The following PCNX1 variants were observed in gnomAD, a reference collection of about 807,000 sequenced individuals.
PCNX1 encodes pecanex-like protein 1.
Under a neutral mutation model 242.2 loss-of-function variants are expected in PCNX1, and 78 were observed. That is an observed-to-expected ratio of 0.32 (90% confidence interval 0.27 to 0.39). The LOEUF is 0.39. Among genes scored for constraint, PCNX1 ranks in the 10% least tolerant of loss-of-function variants. The pLI, the probability that PCNX1 is intolerant of heterozygous loss-of-function variation, is 1.00. For synonymous variants in PCNX1, 1,024 were observed against 1,032.9 expected (o/e 0.99, Z 0.17); for missense variants, 2,581 against 2,856.5 (o/e 0.90, Z 2.20).
At chr14:70,949,311 GTAGA>G (rs1566608895) in intron 2 of PCNX1, among the ~76,000 whole-genome samples, 4 of 129,622 alleles carry the variant, frequency 3.1e-5, no homozygotes, top group South Asian at 2.3e-4. Context: ...ACATATGTGT[GTAGA>G]TACACACGTG....
At position 71,110,340 on chromosome 14, in the gene PCNX1, A is replaced by G. The variant is rs1038229868; in HGVS notation, c.*405A>G. On this transcript the variant is annotated 3_prime_UTR_variant, in exon 36 of 36. Transcript: ENST00000304743. ...TGTTTTGTCATAGAACATGAAATTC[A>G]TTTACCTTGATTTTTAAGAACAGAC... is the stretch of plus-strand genomic sequence containing the variant. 1.3e-5 allele frequency: 4 copies of G among 304,902 alleles called. No homozygotes were observed. Among genetic ancestry groups the G allele is most frequent in the Admixed American group, 9.6e-5 (2 of 20,804 alleles). The allele number at this position is 304,902 out of a possible 1,614,324, so 18.9% of individuals were successfully genotyped here. A position where few individuals can be genotyped will look rare whatever the true frequency, so the allele number is the denominator to read the frequency against.
At chr14:70,951,484 C>G (rs1326025742) in intron 2 of PCNX1, among the ~76,000 whole-genome samples, 1 of 152,052 alleles carries the variant, frequency 6.6e-6, no homozygotes, top group Non-Finnish European at 1.5e-5. Flanking sequence ...AAACGGTTCT[C>G]CTGCCTCAGC....
chr14:70,979,370 G>A (rs1316245780), intron 6 of PCNX1, among the ~76,000 whole-genome samples: 1 of 152,054 alleles, frequency 6.6e-6, no homozygotes, highest in Non-Finnish European at 1.5e-5. Context: ...TTGGAGAATT[G>A]TGCAAATTTG....
chr14:70,969,439 T>C (rs138699246), intron 5 of PCNX1, among the ~76,000 whole-genome samples: 3 of 152,314 alleles, frequency 2.0e-5, no homozygotes, highest in African/African-American at 7.2e-5. Flanking sequence ...GATAACCTAG[T>C]ATGTAAAACT....
At chr14:71,084,005 T>C (rs987869436) in intron 28 of PCNX1, among the ~76,000 whole-genome samples, 12 of 152,244 alleles carry the variant, frequency 7.9e-5, no homozygotes, top group Non-Finnish European at 1.6e-4. Context: ...CTTTGGTCTT[T>C]GATGCTGGTG....
chr14:70,999,806 A>G (rs2059450570), intron 8 of PCNX1, among the ~76,000 whole-genome samples: 1 of 152,190 alleles, frequency 6.6e-6, no homozygotes, highest in Admixed American at 6.5e-5. Context: ...GCAGAGACTC[A>G]GGTGATCAAC....
chr14:71,033,054 A>C (rs1189550599), intron 16 of PCNX1, among the ~76,000 whole-genome samples: 1 of 152,206 alleles, frequency 6.6e-6, no homozygotes. Flanking sequence ...ATTGTATCTA[A>C]AATTTACTAT....
At chr14:71,049,911 C>T (rs1303025233) in intron 22 of PCNX1, among the ~76,000 whole-genome samples, 1 of 152,200 alleles carries the variant, frequency 6.6e-6, no homozygotes, top group South Asian at 2.1e-4. Flanking sequence ...GCATATTCAA[C>T]CTTAAATGAA....
chr14:71,064,094 TTTTA>T (rs2061389799), intron 26 of PCNX1, among the ~76,000 whole-genome samples: 1 of 152,114 alleles, frequency 6.6e-6, no homozygotes, highest in Non-Finnish European at 1.5e-5. Context: ...TGATTGTTTG[TTTTA>T]TTTAGTTTTA....
At chr14:70,948,454 A>G (rs1444082195) in intron 2 of PCNX1, among the ~76,000 whole-genome samples, 6 of 152,256 alleles carry the variant, frequency 3.9e-5, no homozygotes, top group Non-Finnish European at 8.8e-5. Context: ...ACACTACTGT[A>G]TGATAGTTAC....
chr14:71,011,433 A>T, intron 9 of PCNX1, 59 bp from the exon 10 acceptor site: 1 of 903,438 alleles, frequency 1.1e-6, no homozygotes, highest in Non-Finnish European at 1.8e-6. Context: ...TCTGAATGTT[A>T]AAGGATATAT....
At chr14:71,048,833 T>A (rs983752101) in intron 22 of PCNX1, among the ~76,000 whole-genome samples, 1 of 152,092 alleles carries the variant, frequency 6.6e-6, no homozygotes, top group Non-Finnish European at 1.5e-5. Flanking sequence ...AGTAGTCTGA[T>A]CTAGGATGGG....
intron 8 of PCNX1, among the ~76,000 whole-genome samples, chr14:71,006,372 C>T (rs906224207): frequency 6.6e-6 from 1 of 151,876 alleles, no homozygotes; most frequent in Non-Finnish European, 1.5e-5. Flanking sequence ...AGTTTCTAAT[C>T]GTGTTTATTT....
chr14:70,943,231 G>A (rs1404773626), intron 1 of PCNX1, among the ~76,000 whole-genome samples: 6 of 152,230 alleles, frequency 3.9e-5, no homozygotes, highest in Non-Finnish European at 8.8e-5. Flanking sequence ...TGGGTAACAG[G>A]CAGAGGTTGG....
chr14:70,921,943 A>G (rs539635115), intron 1 of PCNX1, among the ~76,000 whole-genome samples: 1 of 152,146 alleles, frequency 6.6e-6, no homozygotes, highest in Non-Finnish European at 1.5e-5. Context: ...GTTGTTTTTC[A>G]AAATATATGT....
At chr14:70,943,899 C>T (rs1003860886) in intron 1 of PCNX1, among the ~76,000 whole-genome samples, 2 of 152,182 alleles carry the variant, frequency 1.3e-5, no homozygotes, top group Non-Finnish European at 2.9e-5. Flanking sequence ...GTGCAAGCAT[C>T]AAGCATTGGT....
chr14:70,941,797 C>T (rs1566595301), intron 1 of PCNX1, among the ~76,000 whole-genome samples: 1 of 152,218 alleles, frequency 6.6e-6, no homozygotes, highest in Non-Finnish European at 1.5e-5. Context: ...AGCTTCCTGG[C>T]AGCTTTGTTT....
At position 71,110,300 on chromosome 14, in the gene PCNX1, CA is replaced by C; in HGVS notation, c.*370del. 3.2e-6 allele frequency: 1 copy of C among 314,662 alleles called. No individual in the cohort carries two copies. The highest frequency in any genetic ancestry group is 6.2e-6 in the Non-Finnish European group (1 of 161,750). The allele number at this position is 314,662 out of a possible 1,614,324, so 19.5% of individuals were successfully genotyped here. On this transcript the variant is annotated 3_prime_UTR_variant, in exon 36 of 36. Transcript: ENST00000304743. ...TCTCATATTTTTCTAATTTCTTTGCCAAAAATAATTGCCATGTTTTGTCATA... is the reference window on the plus strand; with the variant it reads ...TCTCATATTTTTCTAATTTCTTTGCCAAAATAATTGCCATGTTTTGTCATA...
chr14:71,047,002 T>C lies in PCNX1; in HGVS notation c.4057T>C (p.Trp1353Arg). ...GATGTGGTTTGAGAAACTTCATGTGTGGCTTCTTTTTGTGGAGAAGAATAT... is the reference window on the plus strand; with the variant it reads ...GATGTGGTTTGAGAAACTTCATGTGCGGCTTCTTTTTGTGGAGAAGAATAT... ...TMMWFEKLHV[W>R]LLFVEKNIIY... Residue 1353 changes from tryptophan to arginine, a missense_variant, in exon 21 of 36, where the codon TGG becomes CGG. Coordinates refer to ENST00000304743, the MANE Select transcript of PCNX1 (RefSeq NM_014982.3). 12 of 1,610,832 alleles carry C rather than the reference T, an allele frequency of 7.4e-6. No individual in the cohort carries two copies. The highest frequency in any genetic ancestry group is 7.6e-6 in the Non-Finnish European group (9 of 1,177,986).
Sources: gnomAD v4.1 joint callset for allele counts (sites outside exome capture counted in the v4.1 genomes callset) on GRCh38, gnomAD v4.1.1 for gene constraint, MANE v1.5 for transcripts, NCBI Gene and HGNC (gene_info 2026-07-23, HGNC 2026-07-21) for gene names.